TMEFF1: variants seen among roughly 807,000 people sequenced by gnomAD.
TMEFF1 encodes tomoregulin-1.
A neutral mutation model predicts 47.5 loss-of-function variants in TMEFF1; 20 were observed. The observed-to-expected ratio is 0.42, with a 90% CI of 0.30 to 0.61. The LOEUF (loss-of-function observed/expected upper bound fraction) is 0.61, where lower values mean the gene tolerates loss of function less well. Among genes scored for constraint, TMEFF1 ranks in the 20% least tolerant of loss-of-function variants. The pLI is 0.19. For synonymous variants in TMEFF1, 162 were observed against 166.3 expected, an observed-to-expected ratio of 0.97 and a Z score of 0.20; for missense variants, 411 against 471.1, an observed-to-expected ratio of 0.87 and a Z score of 1.18.
At chr9:100,478,046 A>G (rs1332798393) in intron 1 of TMEFF1, among the ~76,000 whole-genome samples, 1 of 152,162 alleles carries the variant, frequency 6.6e-6, no homozygotes, top group African/African-American at 2.4e-5. Flanking sequence ...GGCAGATGTA[A>G]AAGTTTTTTC....
At chr9:100,498,156 A>C (rs1837692271) in intron 1 of TMEFF1, among the ~76,000 whole-genome samples, 1 of 152,118 alleles carries the variant, frequency 6.6e-6, no homozygotes, top group Non-Finnish European at 1.5e-5. Flanking sequence ...TGGTAGAGTC[A>C]ACTTAATTCA....
intron 1 of TMEFF1, among the ~76,000 whole-genome samples, chr9:100,488,228 G>T (rs977959424): frequency 4.0e-5 from 6 of 151,756 alleles, no homozygotes; most frequent in African/African-American, 1.2e-4. Flanking sequence ...TTTACAATGT[G>T]TTTTTTTTCA....
chr9:100,529,964 GAA>G (rs1838344503), intron 5 of TMEFF1, among the ~76,000 whole-genome samples: 1 of 152,026 alleles, frequency 6.6e-6, no homozygotes, highest in African/African-American at 2.4e-5. Flanking sequence ...CAACTACATG[GAA>G]ACTGAACAAC....
rs147621864 is a variant in TMEFF1 at position 100,526,878 on chromosome 9, G to A, written c.560+10107G>A. On this transcript the variant is annotated intron_variant, in intron 5 of 9. Transcript: ENST00000374879. ...GCCTGTCAATGCTTTGGGAGACCGA[G>A]GTGGGCAGATCACCTGAGATCAGGA... Among the ~76,000 whole-genome samples, 603 of 149,734 alleles carry A rather than the reference G, an allele frequency of 4.0e-3. 3 individuals carry two copies. Among genetic ancestry groups the A allele is most frequent in the African/African-American group, 0.014 (568 of 40,586 alleles).
Position 100,576,412 on chromosome 9 carries a change from G to A in TMEFF1, c.1059-104G>A, listed in dbSNP as rs1265147601. The A allele has an allele frequency of 1.1e-5, 16 of 1,405,466 alleles. No homozygotes were observed. The Admixed American group carries it at 3.7e-4, about 33-fold the overall frequency. 87.1% of individuals were successfully genotyped at this position (1,405,466 alleles called of 1,614,324 possible). The stretch of plus-strand genomic sequence containing the variant: ...TCCCTTTCATGTAATTGCTTGCAAT[G>A]TGGCTTTATGTGCAAAATGTGTATT... On this transcript the variant is annotated intron_variant, in intron 9 of 9. Coordinates refer to ENST00000374879, the MANE Select transcript of TMEFF1 (RefSeq NM_003692.5).
chr9:100,572,077 A>G (rs954372528), intron 8 of TMEFF1, among the ~76,000 whole-genome samples: 1 of 152,066 alleles, frequency 6.6e-6, no homozygotes, highest in Non-Finnish European at 1.5e-5. Flanking sequence ...CCATGGACCA[A>G]TATCTGTCCA....
chr9:100,522,078 T>C (rs559233804), intron 5 of TMEFF1, among the ~76,000 whole-genome samples: 1 of 152,366 alleles, frequency 6.6e-6, no homozygotes, highest in Non-Finnish European at 1.5e-5. Context: ...GTGATATCTT[T>C]TCTCTTGTGT....
chr9:100,473,753 G>T lies in TMEFF1; in HGVS notation c.196+13G>T. The T allele has an allele frequency of 6.7e-7, 1 of 1,497,472 alleles. No homozygotes were observed. 92.8% of individuals were successfully genotyped at this position (1,497,472 alleles called of 1,614,324 possible). A position where few individuals can be genotyped will look rare whatever the true frequency, so the allele number is the denominator to read the frequency against. On this transcript the variant is annotated intron_variant, in intron 1 of 9. Transcript: ENST00000374879. This position sits in a 1 kb window ranked among gnomAD's most constrained non-coding sequence, Gnocchi z 5.4. ...ATCAACTGCTCAGGTAGGACCGGTC[G>T]GAGCCGGCCCTAGGTCTTCCCACCC...
chr9:100,525,711 C>T (rs1262721455), intron 5 of TMEFF1, among the ~76,000 whole-genome samples: 1 of 152,212 alleles, frequency 6.6e-6, no homozygotes, highest in African/African-American at 2.4e-5. Flanking sequence ...GGCAGAAGTT[C>T]TAACCCTCTA....
chr9:100,498,868 A>G lies in TMEFF1; in HGVS notation c.300A>G (p.Gln100=), dbSNP rs150250818. The change falls in exon 2 of 10, where the codon CAA becomes CAG. Residue 100 remains glutamine (Q), a synonymous_variant. Coordinates refer to ENST00000374879, the MANE Select transcript of TMEFF1 (RefSeq NM_003692.5). The part of the protein sequence containing the change: ...EDGDGLKCAC[Q]FQCHTNYIPV... The stretch of plus-strand genomic sequence containing the variant: ...GAGATGGTTTGAAATGTGCATGCCA[A>G]TTTCAGGTGAGGAAACCCAGCCTAT... The G allele has an allele frequency of 5.0e-6, 8 of 1,611,208 alleles. No homozygotes were observed. The highest frequency in any genetic ancestry group is 6.8e-6 in the Non-Finnish European group (8 of 1,179,272).
intron 8 of TMEFF1, among the ~76,000 whole-genome samples, chr9:100,571,815 T>G (rs891791772): frequency 6.6e-6 from 1 of 152,120 alleles, no homozygotes; most frequent in Non-Finnish European, 1.5e-5. Context: ...GACAGTCCCA[T>G]CTGGGGGTGA....
intron 5 of TMEFF1, among the ~76,000 whole-genome samples, chr9:100,533,001 C>T (rs1196329289): frequency 2.7e-5 from 4 of 148,360 alleles, no homozygotes; most frequent in South Asian, 2.1e-4. Context: ...AAAAACAAAA[C>T]ACTGCATATT....
chr9:100,567,911 C>T (rs1448638672), intron 8 of TMEFF1, among the ~76,000 whole-genome samples: 1 of 152,178 alleles, frequency 6.6e-6, no homozygotes, highest in South Asian at 2.1e-4. Context: ...GAGCAAGTCA[C>T]ATCTTACCTG....
At chr9:100,546,197 T>G (rs142542949) in intron 5 of TMEFF1, among the ~76,000 whole-genome samples, 6 of 152,236 alleles carry the variant, frequency 3.9e-5, no homozygotes, top group African/African-American at 1.2e-4. Context: ...TACCCGAGAC[T>G]GGGCAAAAGA....
At chr9:100,569,761 C>A (rs1244388800) in intron 8 of TMEFF1, among the ~76,000 whole-genome samples, 1 of 152,170 alleles carries the variant, frequency 6.6e-6, no homozygotes, top group Non-Finnish European at 1.5e-5. Context: ...AGCTGATTAA[C>A]ATATGCATTA....
At chr9:100,521,181 A>G (rs1350083475) in intron 5 of TMEFF1, among the ~76,000 whole-genome samples, 1 of 152,150 alleles carries the variant, frequency 6.6e-6, no homozygotes, top group Non-Finnish European at 1.5e-5. Flanking sequence ...TATTCATTGT[A>G]TGTGTTTTAT....
At position 100,561,255 on chromosome 9, in the gene TMEFF1, CCTAT is replaced by C. The variant is rs1839007817; in HGVS notation, c.776-139_776-136del. Reference sequence around the variant, plus strand: ...AGAGACCCTGGATCTTATCTAACCCCCTATCTGATAAATTTTCTTTTCAAATTGC... The same window carrying C: ...AGAGACCCTGGATCTTATCTAACCCCCTGATAAATTTTCTTTTCAAATTGC... On this transcript the variant is annotated intron_variant, in intron 7 of 9. Transcript: ENST00000374879. The C allele has an allele frequency of 4.3e-6, 6 of 1,407,512 alleles. No individual in the cohort carries two copies. The East Asian group carries it at 1.2e-4, about 28-fold the overall frequency. 87.2% of individuals were successfully genotyped at this position (1,407,512 alleles called of 1,614,324 possible).
At chr9:100,498,558 A>G (rs1837700253) in intron 1 of TMEFF1, among the ~76,000 whole-genome samples, 1 of 152,134 alleles carries the variant, frequency 6.6e-6, no homozygotes, top group Non-Finnish European at 1.5e-5. Flanking sequence ...TTTTAGGCTC[A>G]TTACTATGCA....
At chr9:100,502,430 G>T (rs1268832725) in intron 2 of TMEFF1, among the ~76,000 whole-genome samples, 3 of 151,976 alleles carry the variant, frequency 2.0e-5, no homozygotes, top group African/African-American at 7.3e-5. Context: ...CACAATCATA[G>T]CTTACTGTAG....
Sources: gnomAD v4.1 joint callset for allele counts (sites outside exome capture counted in the v4.1 genomes callset) on GRCh38, gnomAD v4.1.1 for gene constraint, Gnocchi (gnomAD v3.1) non-coding constraint, MANE v1.5 for transcripts, NCBI Gene and HGNC (gene_info 2026-07-23, HGNC 2026-07-21) for gene names.